Variants in PRKN observed in about 807,000 individuals in gnomAD.
PRKN encodes E3 ubiquitin-protein ligase parkin.
Under a neutral mutation model 59.5 loss-of-function variants are expected in PRKN, and 56 were observed. The observed-to-expected ratio is 0.94, with a 90% CI of 0.76 to 1.18. The LOEUF is 1.18. Among genes scored for constraint, PRKN ranks in the 50% most tolerant of loss-of-function variants. The probability of loss-of-function intolerance (pLI) is 0.00; values close to 1 mark genes in which losing one functional copy is unlikely to be tolerated. For missense variants in PRKN, 657 were observed against 596.4 expected, an observed-to-expected ratio of 1.10 and a Z score of -1.06; for synonymous variants, 250 against 222.1, an observed-to-expected ratio of 1.13 and a Z score of -1.12.
rs531229471 is a variant in PRKN at position 161,550,132 on chromosome 6, T to C, written c.934-1129A>G. Among the ~76,000 whole-genome samples the C allele has an allele frequency of 9.2e-5, 14 of 152,174 alleles. No individual in the cohort carries two copies. In the East Asian group the frequency reaches 1.7e-3, roughly 19 times the overall value. ...CATTCCAGACAAGCAGAGAATACTA[T>C]AAGGGGCCAGAGCCCCAGTGTGCTG... On this transcript the variant is annotated intron_variant, in intron 8 of 11. Transcript: ENST00000366898. The surrounding 1 kb of genome is among the most constrained non-coding windows in gnomAD (Gnocchi z 4.0).
At chr6:162,504,254 T>C (rs1192048747) in intron 1 of PRKN, among the ~76,000 whole-genome samples, 1 of 152,178 alleles carries the variant, frequency 6.6e-6, no homozygotes, top group Non-Finnish European at 1.5e-5. Context: ...GCATACTTGC[T>C]AATACGAGAC....
At chr6:162,362,830 T>C (rs1175385002) in intron 2 of PRKN, among the ~76,000 whole-genome samples, 27 of 151,998 alleles carry the variant, frequency 1.8e-4, no homozygotes, top group Admixed American at 1.5e-3. Context: ...CACTATTCTA[T>C]AAAAATTGTT....
chr6:162,715,685 A>G (rs1387654016), intron 1 of PRKN, among the ~76,000 whole-genome samples: 1 of 152,156 alleles, frequency 6.6e-6, no homozygotes, highest in African/African-American at 2.4e-5. Flanking sequence ...CATTACTCAG[A>G]GCAAAACCTG....
chr6:162,057,290 A>G (rs1000590166), intron 4 of PRKN, among the ~76,000 whole-genome samples: 1 of 152,234 alleles, frequency 6.6e-6, no homozygotes, highest in African/African-American at 2.4e-5. Context: ...GAGGATGTTA[A>G]TTATGATTAT....
intron 4 of PRKN, among the ~76,000 whole-genome samples, chr6:162,141,938 C>A (rs556475294): frequency 6.6e-6 from 1 of 152,154 alleles, no homozygotes; most frequent in East Asian, 1.9e-4. Flanking sequence ...AAGATGATCA[C>A]CAAAACCTTT....
At position 161,581,788 on chromosome 6, in the gene PRKN, G is replaced by C. The variant is rs1166519945; in HGVS notation, c.872-12372C>G. ...GGAAAGTGGTCCTGCCGAGCTGCTA[G>C]TGCAGAGGGTGTGGAAGCCATGCTA... is the stretch of plus-strand genomic sequence containing the variant. On this transcript the variant is annotated intron_variant, in intron 7 of 11. Transcript: ENST00000366898. The surrounding 1 kb of genome is among the most constrained non-coding windows in gnomAD (Gnocchi z 4.5). Among the ~76,000 whole-genome samples, 1 of 152,206 alleles carries C rather than the reference G, an allele frequency of 6.6e-6. No individual in the cohort carries two copies. The highest frequency in any genetic ancestry group is 1.5e-5 in the Non-Finnish European group (1 of 68,038).
chr6:162,692,792 C>A (rs1203576831), intron 1 of PRKN, among the ~76,000 whole-genome samples: 1 of 152,114 alleles, frequency 6.6e-6, no homozygotes, highest in African/African-American at 2.4e-5. Flanking sequence ...CTATATTAAG[C>A]CATAACTGTG....
At chr6:162,165,019 G>GAAAC (rs145284807) in intron 4 of PRKN, among the ~76,000 whole-genome samples, 1,925 of 148,676 alleles carry the variant, frequency 0.013, 237 homozygotes, top group African/African-American at 0.047. Context: ...TCTTTATATA[G>GAAAC]AAACAGGCTT....
chr6:162,401,678 A>C (rs978960833), intron 2 of PRKN, among the ~76,000 whole-genome samples: 2 of 152,192 alleles, frequency 1.3e-5, no homozygotes, highest in African/African-American at 4.8e-5. Flanking sequence ...ATCATCTTTA[A>C]GCAATAAACT....
rs142980654 is a variant in PRKN, at chr6:161,397,637, A to G, written c.1084-10760T>C. On this transcript the variant is annotated intron_variant, in intron 9 of 11. Coordinates refer to ENST00000366898, the MANE Select transcript of PRKN (RefSeq NM_004562.3). The surrounding 1 kb of genome is among the most constrained non-coding windows in gnomAD (Gnocchi z 4.2). ...TTCAAGTCACTTCTAATTCCACGTG[A>G]TTATCATGAAGTTGCAAGGACCTAA... Among the ~76,000 whole-genome samples, 2 of 152,256 alleles carry G rather than the reference A, an allele frequency of 1.3e-5. No individual in the cohort carries two copies. The highest frequency in any genetic ancestry group is 4.8e-5 in the African/African-American group (2 of 41,518).
chr6:162,537,666 A>G (rs1251038215), intron 1 of PRKN, among the ~76,000 whole-genome samples: 1 of 152,158 alleles, frequency 6.6e-6, no homozygotes, highest in Non-Finnish European at 1.5e-5. Context: ...AATCAGACAG[A>G]ATGTGTGAAA....
At chr6:162,282,972 T>C (rs541706164) in intron 2 of PRKN, among the ~76,000 whole-genome samples, 1 of 151,802 alleles carries the variant, frequency 6.6e-6, no homozygotes, top group Non-Finnish European at 1.5e-5. Flanking sequence ...TGATAAGCTT[T>C]CCTTTCTTTC....
intron 1 of PRKN, among the ~76,000 whole-genome samples, chr6:162,533,267 T>C (rs1210894699): frequency 6.6e-6 from 1 of 152,194 alleles, no homozygotes; most frequent in Non-Finnish European, 1.5e-5. Context: ...CTCACGCCTA[T>C]AATCCCAGCA....
intron 7 of PRKN, among the ~76,000 whole-genome samples, chr6:161,678,213 T>C (rs1039765384): frequency 7.8e-6 from 1 of 128,122 alleles, no homozygotes; most frequent in Non-Finnish European, 1.6e-5. Flanking sequence ...CAATACTGAA[T>C]CACTTTTTTT....
At chr6:162,133,910 C>T (rs545737400) in intron 4 of PRKN, among the ~76,000 whole-genome samples, 87 of 151,988 alleles carry the variant, frequency 5.7e-4, no homozygotes, top group African/African-American at 2.0e-3. Flanking sequence ...GATGCTGAGC[C>T]TAGATATTTT....
intron 7 of PRKN, among the ~76,000 whole-genome samples, chr6:161,601,012 T>C (rs1312854053): frequency 3.3e-5 from 5 of 152,234 alleles, no homozygotes; most frequent in Non-Finnish European, 4.4e-5. Context: ...GTATTTATTA[T>C]TGAAAATTCC....
At chr6:162,357,319 A>C (rs1042953662) in intron 2 of PRKN, among the ~76,000 whole-genome samples, 2 of 152,214 alleles carry the variant, frequency 1.3e-5, no homozygotes, top group Non-Finnish European at 2.9e-5. Flanking sequence ...CAAAAGAGTT[A>C]AGCAGACATC....
At chr6:162,085,501 T>C (rs1469721995) in intron 4 of PRKN, among the ~76,000 whole-genome samples, 1 of 152,096 alleles carries the variant, frequency 6.6e-6, no homozygotes. Context: ...CAGGACTATA[T>C]TCTATTATTC....
intron 4 of PRKN, among the ~76,000 whole-genome samples, chr6:162,175,903 G>T (rs1783509878): frequency 6.6e-6 from 1 of 152,116 alleles, no homozygotes; most frequent in Non-Finnish European, 1.5e-5. Context: ...CCATATAAAG[G>T]CTATTTGAGA....
Sources: allele counts gnomAD v4.1 joint callset (sites outside exome capture counted in the v4.1 genomes callset), GRCh38; gene constraint gnomAD v4.1.1; non-coding constraint Gnocchi (gnomAD v3.1); transcripts MANE v1.5; gene names NCBI Gene and HGNC (gene_info 2026-07-23, HGNC 2026-07-21).